SASH1: variants seen among roughly 807,000 people sequenced by gnomAD.
SASH1 encodes SAM and SH3 domain-containing protein 1.
A neutral mutation model predicts 125.2 loss-of-function variants in SASH1; 44 were observed. That is an observed-to-expected ratio of 0.35 (90% CI 0.28 to 0.45). SASH1 has a LOEUF of 0.45. Ranked by LOEUF, SASH1 falls within the 20% of genes least tolerant of loss-of-function variation. The probability of loss-of-function intolerance (pLI) is 1.00; values close to 1 mark genes in which losing one functional copy is unlikely to be tolerated. For synonymous variants in SASH1, 639 were observed against 649.1 expected (o/e 0.98, Z 0.24); for missense variants, 1,426 against 1,614.5 (o/e 0.88, Z 2.00).
intron 1 of SASH1, among the ~76,000 whole-genome samples, chr6:148,279,665 G>C (rs544107174): frequency 1.3e-5 from 2 of 152,238 alleles, no homozygotes; most frequent in East Asian, 3.9e-4. Flanking sequence ...AGAATTCAAT[G>C]AAATTATGTT....
the SASH1 span, among the ~76,000 whole-genome samples, chr6:148,238,625 TACACACACACACAC>T: frequency 8.4e-3 from 1,249 of 149,550 alleles, 22 homozygotes; most frequent in East Asian, 0.073. Context: ...TACACACACA[TACACACACACACAC>T]ACACACACAC....
chr6:148,493,768 G>A (rs1435841113), intron 8 of SASH1, among the ~76,000 whole-genome samples: 1 of 152,138 alleles, frequency 6.6e-6, no homozygotes, highest in Non-Finnish European at 1.5e-5. Context: ...ATTTCCCTTT[G>A]CCAGAGAAGA....
chr6:148,301,086 G>A (rs1239935155), intron 1 of SASH1, among the ~76,000 whole-genome samples: 2 of 151,776 alleles, frequency 1.3e-5, no homozygotes, highest in Non-Finnish European at 2.9e-5. Flanking sequence ...CTAGCACTTG[G>A]GAGGCCAAGG....
chr6:148,517,419 G>T (rs993244785), intron 9 of SASH1, among the ~76,000 whole-genome samples: 3 of 152,180 alleles, frequency 2.0e-5, no homozygotes, highest in African/African-American at 7.2e-5. Context: ...AGGCCTTCAC[G>T]TGAAGCAAAT....
intron 1 of SASH1, among the ~76,000 whole-genome samples, chr6:148,372,551 G>C (rs1328906366): frequency 1.3e-5 from 2 of 152,084 alleles, no homozygotes; most frequent in African/African-American, 4.8e-5. Context: ...TTACTTTTAA[G>C]GTCTGAGGAC....
chr6:148,240,349 A>G, the SASH1 span, among the ~76,000 whole-genome samples: 1 of 152,144 alleles, frequency 6.6e-6, no homozygotes, highest in African/African-American at 2.4e-5. Flanking sequence ...TTCATGGAAT[A>G]ATTGCTAATG....
chr6:148,493,371 T>G (rs1779189157), intron 8 of SASH1, among the ~76,000 whole-genome samples: 1 of 152,234 alleles, frequency 6.6e-6, no homozygotes, highest in Admixed American at 6.5e-5. Context: ...TTTTAGATTT[T>G]CCTCTGTGGC....
At chr6:148,271,652 G>A (rs185869002), upstream of SASH1, among the ~76,000 whole-genome samples, 114 of 152,272 alleles carry the variant, frequency 7.5e-4, 3 homozygotes, top group East Asian at 0.014. Flanking sequence ...AAGCCCCAGC[G>A]AAGGTGTTTC....
intron 1 of SASH1, among the ~76,000 whole-genome samples, chr6:148,297,175 A>G (rs1005755361): frequency 6.6e-6 from 1 of 152,216 alleles, no homozygotes; most frequent in African/African-American, 2.4e-5. Context: ...GGCATGGTGC[A>G]CGCTGTCGCG....
chr6:148,465,068 G>A (rs1015427322), intron 4 of SASH1, among the ~76,000 whole-genome samples: 5 of 152,204 alleles, frequency 3.3e-5, no homozygotes, highest in African/African-American at 1.2e-4. Context: ...TCATTTCAGA[G>A]AGGAAAATGC....
chr6:148,242,288 T>C, the SASH1 span, among the ~76,000 whole-genome samples: 2 of 152,222 alleles, frequency 1.3e-5, no homozygotes, highest in Non-Finnish European at 2.9e-5. Context: ...TGTGAACGAC[T>C]TCTCCATTCC....
chr6:148,412,710 T>C (rs1784675875), intron 2 of SASH1, among the ~76,000 whole-genome samples: 1 of 152,144 alleles, frequency 6.6e-6, no homozygotes, highest in African/African-American at 2.4e-5. Context: ...AAGTTCTTCA[T>C]GAGGGATCCA....
chr6:148,443,412 T>C (rs1275442245), intron 4 of SASH1, among the ~76,000 whole-genome samples: 3 of 148,306 alleles, frequency 2.0e-5, no homozygotes, highest in Admixed American at 6.7e-5. Context: ...CTCTGAGAAG[T>C]TACAATTTCT....
chr6:148,327,896 G>A (rs191442208), intron 1 of SASH1, among the ~76,000 whole-genome samples: 42 of 144,634 alleles, frequency 2.9e-4, no homozygotes, highest in African/African-American at 8.7e-4. Context: ...AGCCAAGGTC[G>A]CACCACTGCA....
the SASH1 span, among the ~76,000 whole-genome samples, chr6:148,229,178 C>A: frequency 7.3e-6 from 1 of 136,442 alleles, no homozygotes; most frequent in South Asian, 2.5e-4. Context: ...GCTAAAATGA[C>A]TGATGGGTTC....
the SASH1 span, among the ~76,000 whole-genome samples, chr6:148,248,023 C>A: frequency 1.2e-4 from 18 of 152,118 alleles, no homozygotes; most frequent in African/African-American, 4.3e-4. Flanking sequence ...ATTGATTTTG[C>A]CATTTAATTC....
chr6:148,484,292 A>G (rs1778748166), intron 7 of SASH1, among the ~76,000 whole-genome samples: 1 of 152,162 alleles, frequency 6.6e-6, no homozygotes. Flanking sequence ...GTGAGAAAAC[A>G]ATGAGATTTG....
At chr6:148,422,924 G>A (rs1419301616) in intron 2 of SASH1, among the ~76,000 whole-genome samples, 1 of 151,978 alleles carries the variant, frequency 6.6e-6, no homozygotes, top group Non-Finnish European at 1.5e-5. Flanking sequence ...ATCCGTGTGT[G>A]GTTTTTTGTT....
chr6:148,427,332 T>G (rs1394551027), intron 2 of SASH1, among the ~76,000 whole-genome samples: 1 of 152,160 alleles, frequency 6.6e-6, no homozygotes, highest in African/African-American at 2.4e-5. Flanking sequence ...AAAAATTGAA[T>G]TATAGAACTT....
Sources: gnomAD v4.1 joint callset for allele counts (sites outside exome capture counted in the v4.1 genomes callset) on GRCh38, gnomAD v4.1.1 for gene constraint, MANE v1.5 for transcripts, NCBI Gene and HGNC (gene_info 2026-07-23, HGNC 2026-07-21) for gene names.